MAD1L1: variants seen among roughly 807,000 people sequenced by gnomAD.
MAD1L1 encodes the protein mitotic arrest deficient 1 like 1, also known as mitotic spindle assembly checkpoint protein MAD1.
Under a neutral mutation model 96.9 loss-of-function variants are expected in MAD1L1, and 95 were observed. The observed-to-expected ratio is 0.98, with a 90% confidence interval of 0.83 to 1.16. The LOEUF is 1.16. MAD1L1 is among the 50% of genes most tolerant of loss of function. The pLI is 0.00. For synonymous variants in MAD1L1, 473 were observed against 396.6 expected, an observed-to-expected ratio of 1.19 and a Z score of -2.29; for missense variants, 1,007 against 954.4, an observed-to-expected ratio of 1.06 and a Z score of -0.73.
intron 13 of MAD1L1, among the ~76,000 whole-genome samples, chr7:2,013,707 G>A (rs1032352097): frequency 3.3e-5 from 5 of 152,280 alleles, no homozygotes; most frequent in African/African-American, 9.6e-5. Flanking sequence ...CCACGGAGAA[G>A]TGGTGCAAAT....
At chr7:1,874,176 C>T (rs1049733526) in intron 18 of MAD1L1, among the ~76,000 whole-genome samples, 11 of 152,250 alleles carry the variant, frequency 7.2e-5, no homozygotes, top group East Asian at 5.8e-4. Context: ...CAGTGGCTGG[C>T]GCCAGAGGTC....
intron 10 of MAD1L1, among the ~76,000 whole-genome samples, chr7:2,160,393 C>T (rs1232396843): frequency 4.3e-5 from 6 of 140,138 alleles, no homozygotes; most frequent in South Asian, 4.5e-4. Context: ...AGTGCAGTGG[C>T]GCAATCTTGG....
intron 15 of MAD1L1, among the ~76,000 whole-genome samples, chr7:1,962,735 A>C (rs1313367640): frequency 6.6e-6 from 1 of 152,256 alleles, no homozygotes; most frequent in African/African-American, 2.4e-5. Flanking sequence ...ATAAAAAATA[A>C]AAGGCCACAG....
chr7:2,060,009 T>C (rs915133458), intron 12 of MAD1L1, among the ~76,000 whole-genome samples: 15 of 152,156 alleles, frequency 9.9e-5, no homozygotes, highest in African/African-American at 3.1e-4. Flanking sequence ...TGGTGGAACA[T>C]GTGGCATTCA....
At chr7:2,188,645 T>A (rs1791571585) in intron 10 of MAD1L1, among the ~76,000 whole-genome samples, 1 of 152,122 alleles carries the variant, frequency 6.6e-6, no homozygotes, top group Non-Finnish European at 1.5e-5. Flanking sequence ...TGCAAAAGAA[T>A]GAAGTTGGGC....
intron 10 of MAD1L1, among the ~76,000 whole-genome samples, chr7:2,186,899 T>C (rs1397531618): frequency 6.6e-6 from 1 of 151,944 alleles, no homozygotes; most frequent in East Asian, 1.9e-4. Flanking sequence ...GTTCAAGTGA[T>C]TCTCCTGCCT....
At chr7:2,033,314 C>T (rs917464365) in intron 12 of MAD1L1, among the ~76,000 whole-genome samples, 1 of 152,206 alleles carries the variant, frequency 6.6e-6, no homozygotes, top group African/African-American at 2.4e-5. Flanking sequence ...CACCCCTGCC[C>T]TCGCCTGCTT....
At chr7:1,853,951 A>G (rs1374691488) in intron 18 of MAD1L1, among the ~76,000 whole-genome samples, 1 of 152,224 alleles carries the variant, frequency 6.6e-6, no homozygotes, top group African/African-American at 2.4e-5. Context: ...GTCATTTATC[A>G]GGCTAATAAA....
In MAD1L1 at chr7:2,080,983, G is replaced by A. The variant is rs1785613352; in HGVS notation, c.1074-11645C>T. On this transcript the variant is annotated intron_variant, in intron 11 of 18. Transcript: ENST00000265854. ...TTAACCCTCAGCTGCCTCTCAGCAT[G>A]CCCAAGGTCCAGACTCTGTGCCCCC... 1.3e-5 allele frequency among the ~76,000 whole-genome samples: 2 copies of A among 152,162 alleles called. 1 individual carries two copies. Among genetic ancestry groups the A allele is most frequent in the South Asian group, 4.1e-4 (2 of 4,826 alleles).
At chr7:2,143,172 C>T (rs1435473079) in intron 11 of MAD1L1, among the ~76,000 whole-genome samples, 2 of 152,048 alleles carry the variant, frequency 1.3e-5, no homozygotes, top group East Asian at 3.9e-4. Flanking sequence ...CCTCAAAACC[C>T]CCAACAGGAG....
At chr7:2,165,849 A>G (rs1201664191) in intron 10 of MAD1L1, among the ~76,000 whole-genome samples, 1 of 152,040 alleles carries the variant, frequency 6.6e-6, no homozygotes, top group African/African-American at 2.4e-5. Flanking sequence ...CTGGATGGCC[A>G]CCCCATGCTG....
chr7:1,856,814 C>T (rs928287211), intron 18 of MAD1L1, among the ~76,000 whole-genome samples: 8 of 152,104 alleles, frequency 5.3e-5, no homozygotes, highest in East Asian at 1.9e-4. Flanking sequence ...CGGGCCACAA[C>T]GGCTGGAGGG....
chr7:1,871,425 A>C (rs1187998880), intron 18 of MAD1L1, among the ~76,000 whole-genome samples: 428 of 28,594 alleles, frequency 0.015, no homozygotes, highest in Non-Finnish European at 0.016. Flanking sequence ...ACGCCTGCCA[A>C]GCTGAACCCA....
At chr7:2,063,051 A>C (rs1311044867) in intron 12 of MAD1L1, among the ~76,000 whole-genome samples, 3 of 152,164 alleles carry the variant, frequency 2.0e-5, no homozygotes, top group Non-Finnish European at 4.4e-5. Context: ...AAATGAGGGA[A>C]GGGACTGCTC....
intron 12 of MAD1L1, among the ~76,000 whole-genome samples, chr7:2,043,205 C>T (rs1293907701): frequency 6.6e-6 from 1 of 152,198 alleles, no homozygotes; most frequent in African/African-American, 2.4e-5. Context: ...ACGACCCTGC[C>T]ACTGACTTTC....
chr7:1,847,403 G>A (rs1371596030), intron 18 of MAD1L1: 1 of 470,868 alleles, frequency 2.1e-6, no homozygotes, highest in African/African-American at 2.0e-5. Context: ...GGAAGATGTG[G>A]GGGGCCCGAT....
At chr7:1,952,519 A>T (rs1415450881) in intron 16 of MAD1L1, among the ~76,000 whole-genome samples, 2 of 152,208 alleles carry the variant, frequency 1.3e-5, no homozygotes, top group Non-Finnish European at 2.9e-5. Context: ...GGGGCCCAGA[A>T]CATCCGGGCT....
chr7:2,143,512 A>T (rs1789144826), intron 11 of MAD1L1, among the ~76,000 whole-genome samples: 1 of 151,782 alleles, frequency 6.6e-6, no homozygotes, highest in Non-Finnish European at 1.5e-5. Context: ...AGGCAGGAAG[A>T]GGCTCAGAAA....
In MAD1L1 at chr7:1,936,866, A is replaced by T. The variant is rs775980625; in HGVS notation, c.1628T>A (p.Leu543Gln). ...ACTGGTGGGGTTCAGGCTCATGTGC[A>T]GCACTTTGGTCCTGCTCTGGTCATA... ...GDYDQSRTKV[L>Q]HMSLNPTSVA... Residue 543 changes from leucine to glutamine, a missense_variant, in exon 17 of 19, where the codon CTG (leucine) becomes CAG (glutamine). Transcript: ENST00000265854. The T allele has an allele frequency of 6.2e-7, 1 of 1,605,484 alleles. No homozygotes were observed. The highest frequency in any genetic ancestry group is 8.5e-7 in the Non-Finnish European group (1 of 1,176,162).
Sources: allele counts gnomAD v4.1 joint callset (sites outside exome capture counted in the v4.1 genomes callset), GRCh38; gene constraint gnomAD v4.1.1; transcripts MANE v1.5; gene names NCBI Gene and HGNC (gene_info 2026-07-23, HGNC 2026-07-21).